The following LRRTM4 variants were observed in gnomAD, a reference collection of about 807,000 sequenced individuals.
LRRTM4 encodes the protein leucine rich repeat transmembrane neuronal 4.
A neutral mutation model predicts 47.6 loss-of-function variants in LRRTM4; 25 were observed. The ratio of observed to expected loss-of-function variants is 0.53; its 90% CI spans 0.38 to 0.73. The LOEUF (loss-of-function observed/expected upper bound fraction) is 0.73, where lower values mean the gene tolerates loss of function less well. Ranked by LOEUF, LRRTM4 falls within the 30% of genes least tolerant of loss-of-function variation. The pLI is 0.00. For synonymous variants in LRRTM4, 311 were observed against 269.5 expected (o/e 1.15, Z -1.51); for missense variants, 638 against 713.4 (o/e 0.89, Z 1.20).
intron 3 of LRRTM4, among the ~76,000 whole-genome samples, chr2:76,749,306 T>C (rs1672765670): frequency 6.6e-6 from 1 of 152,120 alleles, no homozygotes; most frequent in African/African-American, 2.4e-5. Context: ...CAAGATATGG[T>C]ACTAAGTAGA....
intron 3 of LRRTM4, among the ~76,000 whole-genome samples, chr2:76,983,363 C>A (rs1445743957): frequency 6.6e-6 from 1 of 151,996 alleles, no homozygotes; most frequent in Non-Finnish European, 1.5e-5. Flanking sequence ...CCCCAGGTGT[C>A]AAGGGTGGGG....
At chr2:76,971,859 T>G (rs1676231542) in intron 3 of LRRTM4, among the ~76,000 whole-genome samples, 1 of 151,900 alleles carries the variant, frequency 6.6e-6, no homozygotes, top group African/African-American at 2.4e-5. Flanking sequence ...TAGAACAACA[T>G]CTATAACGTT....
chr2:77,439,351 T>A (rs1418033518), intron 3 of LRRTM4, among the ~76,000 whole-genome samples: 1 of 152,186 alleles, frequency 6.6e-6, no homozygotes, highest in African/African-American at 2.4e-5. Flanking sequence ...CCTATTTTCA[T>A]CTTATGAAAT....
intron 3 of LRRTM4, among the ~76,000 whole-genome samples, chr2:77,368,534 G>A (rs1009548433): frequency 6.6e-6 from 1 of 151,712 alleles, no homozygotes; most frequent in Non-Finnish European, 1.5e-5. Flanking sequence ...TTACAGATGA[G>A]GAATCTTTGG....
In LRRTM4 at chr2:77,158,300, C is replaced by T. The variant is rs542090618; in HGVS notation, c.1551+360018G>A. On this transcript the variant is annotated intron_variant, in intron 3 of 3. Transcript: ENST00000409884. ...TAGAGATTTAATTTTGTATTTCCCA[C>T]TAGGAGTGTGGATTTCTCAATTTCT... Among the ~76,000 whole-genome samples, 24 of 152,258 alleles carry T rather than the reference C, an allele frequency of 1.6e-4. No homozygotes were observed. The South Asian group carries it at 5.0e-3, about 32-fold the overall frequency.
intron 3 of LRRTM4, among the ~76,000 whole-genome samples, chr2:77,463,831 C>A (rs1676879494): frequency 6.6e-6 from 1 of 152,108 alleles, no homozygotes; most frequent in East Asian, 1.9e-4. Flanking sequence ...CCTCTGTACA[C>A]CACATGGCGG....
chr2:77,063,388 C>T (rs1679855336), intron 3 of LRRTM4, among the ~76,000 whole-genome samples: 1 of 152,126 alleles, frequency 6.6e-6, no homozygotes, highest in South Asian at 2.1e-4. Flanking sequence ...TGTAATACTG[C>T]CTTCTTAGCC....
chr2:77,244,852 C>T (rs562214397), intron 3 of LRRTM4, among the ~76,000 whole-genome samples: 1 of 152,226 alleles, frequency 6.6e-6, no homozygotes, highest in Admixed American at 6.5e-5. Context: ...TAAAGGGTCT[C>T]AGCCCAAAGT....
At chr2:77,390,686 TATG>T (rs1007175312) in intron 3 of LRRTM4, among the ~76,000 whole-genome samples, 15 of 151,440 alleles carry the variant, frequency 9.9e-5, no homozygotes, top group Non-Finnish European at 2.2e-4. Context: ...TAATATTATA[TATG>T]ATGATGATGA....
At chr2:77,411,422 TTCTC>T (rs1182530329) in intron 3 of LRRTM4, among the ~76,000 whole-genome samples, 8 of 94,350 alleles carry the variant, frequency 8.5e-5, no homozygotes, top group East Asian at 2.8e-4. Flanking sequence ...TCTTTCTTGT[TTCTC>T]TCTCTCTCTC....
At chr2:77,254,362 C>CAAACAAAAAAGTAAAACAAAACA (rs1675705080) in intron 3 of LRRTM4, among the ~76,000 whole-genome samples, 1 of 151,510 alleles carries the variant, frequency 6.6e-6, no homozygotes, top group Admixed American at 6.6e-5. Flanking sequence ...GAAAATAAAA[C>CAAACAAAAAAGTAAAACAAAACA]AAACAAAAAA....
At chr2:77,373,870 C>T (rs569019403) in intron 3 of LRRTM4, among the ~76,000 whole-genome samples, 1 of 151,812 alleles carries the variant, frequency 6.6e-6, no homozygotes, top group South Asian at 2.1e-4. Context: ...AGGTTAACAC[C>T]TAATGAAAAG....
At chr2:77,283,988 A>T (rs1676582766) in intron 3 of LRRTM4, among the ~76,000 whole-genome samples, 1 of 152,076 alleles carries the variant, frequency 6.6e-6, no homozygotes, top group East Asian at 1.9e-4. Flanking sequence ...AGTTGAAAAA[A>T]GTTTGAAGGC....
chr2:77,339,398 C>T (rs946950844), intron 3 of LRRTM4, among the ~76,000 whole-genome samples: 4 of 151,916 alleles, frequency 2.6e-5, no homozygotes, highest in African/African-American at 4.8e-5. Flanking sequence ...TTTAGGACGA[C>T]TTTTTTTCTT....
intron 3 of LRRTM4, among the ~76,000 whole-genome samples, chr2:76,885,557 G>T (rs944150505): frequency 6.6e-6 from 1 of 150,970 alleles, no homozygotes; most frequent in African/African-American, 2.4e-5. Context: ...CCGCCTCCCG[G>T]GTTCACGCCA....
Position 76,869,959 on chromosome 2 carries a change from A to G in LRRTM4, c.1552-121043T>C, listed in dbSNP as rs186646539. Among the ~76,000 whole-genome samples, 685 of 152,330 alleles carry G rather than the reference A, an allele frequency of 4.5e-3. 5 individuals are homozygous for G. Among genetic ancestry groups the G allele is most frequent in the Non-Finnish European group, 5.7e-3 (385 of 68,026 alleles). On this transcript the variant is annotated intron_variant, in intron 3 of 3. Coordinates refer to ENST00000409884, the MANE Select transcript of LRRTM4 (RefSeq NM_001134745.3). Reference sequence around the variant, plus strand: ...AATGATAGTATAAGTCATTTAGGACAGTAAGTGAGACACTACAACATAAAC... The same window carrying G: ...AATGATAGTATAAGTCATTTAGGACGGTAAGTGAGACACTACAACATAAAC...
chr2:77,323,990 G>A (rs575516998), intron 3 of LRRTM4, among the ~76,000 whole-genome samples: 23 of 152,150 alleles, frequency 1.5e-4, no homozygotes, highest in South Asian at 1.0e-3. Flanking sequence ...ATATTAGATC[G>A]TCATAATTAC....
intron 3 of LRRTM4, among the ~76,000 whole-genome samples, chr2:77,424,641 A>C (rs1675036103): frequency 6.6e-6 from 1 of 152,198 alleles, no homozygotes; most frequent in Non-Finnish European, 1.5e-5. Flanking sequence ...AATTTCCAGA[A>C]ACCATCAAGT....
intron 3 of LRRTM4, among the ~76,000 whole-genome samples, chr2:76,953,987 TC>T (rs763932724): frequency 2.6e-5 from 4 of 151,742 alleles, no homozygotes; most frequent in Non-Finnish European, 4.4e-5. Context: ...ACAAGCCTCT[TC>T]AACAGAGAAA....
Sources: allele counts gnomAD v4.1 joint callset (sites outside exome capture counted in the v4.1 genomes callset), GRCh38; gene constraint gnomAD v4.1.1; transcripts MANE v1.5; gene names NCBI Gene and HGNC (gene_info 2026-07-23, HGNC 2026-07-21).